Variants in FAM110B observed in about 807,000 individuals in gnomAD.
The protein encoded by FAM110B is protein FAM110B.
A neutral mutation model predicts 20.4 loss-of-function variants in FAM110B; 6 were observed. The observed-to-expected ratio is 0.29, with a 90% CI of 0.16 to 0.58. The LOEUF is 0.58. Among genes scored for constraint, FAM110B ranks in the 20% least tolerant of loss-of-function variants. The pLI is 0.90. For missense variants in FAM110B, 434 were observed against 498.2 expected, an observed-to-expected ratio of 0.87 and a Z score of 1.23; for synonymous variants, 226 against 214.1, an observed-to-expected ratio of 1.06 and a Z score of -0.49.
intron 2 of FAM110B, among the ~76,000 whole-genome samples, chr8:58,061,468 C>T (rs531366979): frequency 6.6e-6 from 1 of 152,310 alleles, no homozygotes; most frequent in Non-Finnish European, 1.5e-5. Flanking sequence ...AAACTCTCCT[C>T]TTCATTAGAA....
Position 58,094,652 on chromosome 8 carries a change from A to G in FAM110B, c.-325+19029A>G, listed in dbSNP as rs188850744. Among the ~76,000 whole-genome samples, 581 of 152,326 alleles carry G rather than the reference A, an allele frequency of 3.8e-3. 1 individual carries two copies. Among genetic ancestry groups the G allele is most frequent in the African/African-American group, 0.013 (549 of 41,572 alleles). On this transcript the variant is annotated intron_variant, in intron 3 of 3. Coordinates refer to ENST00000519262, the MANE Select transcript of FAM110B (RefSeq NM_001377989.1). ...GATGTGCTGCCAGATTCGGTTTGCC[A>G]GTATTTTATTGAAGCTTTTCACATC...
chr8:58,049,965 C>G (rs1203787591), intron 2 of FAM110B, among the ~76,000 whole-genome samples: 1 of 152,110 alleles, frequency 6.6e-6, no homozygotes, highest in Non-Finnish European at 1.5e-5. Context: ...AAGATGAACA[C>G]TTTTCCTAAT....
chr8:58,139,506 G>C (rs543856908), intron 3 of FAM110B, among the ~76,000 whole-genome samples: 1 of 152,174 alleles, frequency 6.6e-6, no homozygotes, highest in South Asian at 2.1e-4. Flanking sequence ...GTCTTTTTTG[G>C]TCAGCCTTTT....
chr8:58,016,801 C>G (rs1347258055), intron 1 of FAM110B, among the ~76,000 whole-genome samples: 3 of 152,134 alleles, frequency 2.0e-5, no homozygotes, highest in Non-Finnish European at 4.4e-5. Context: ...TGGGCACAGC[C>G]TGAATGAGGG....
chr8:58,097,669 C>T (rs551784364), intron 3 of FAM110B, among the ~76,000 whole-genome samples: 2 of 152,152 alleles, frequency 1.3e-5, no homozygotes, highest in African/African-American at 2.4e-5. Flanking sequence ...GGTTTCTCTC[C>T]GTCTTCATGG....
At chr8:58,053,627 AGGC>A in intron 2 of FAM110B, among the ~76,000 whole-genome samples, 2 of 152,344 alleles carry the variant, frequency 1.3e-5, no homozygotes, top group Middle Eastern at 3.4e-3. Flanking sequence ...GAGGTCCCTA[AGGC>A]AGTCAGTATA....
At chr8:58,113,075 C>T (rs575111564) in intron 3 of FAM110B, 1 of 140,398 alleles carries the variant, frequency 7.1e-6, no homozygotes, top group South Asian at 2.2e-4. Context: ...TACAAGGGCA[C>T]CATTCCCATT....
At position 58,119,163 on chromosome 8, in the gene FAM110B, T is replaced by C. The variant is rs552684171; in HGVS notation, c.-324-26744T>C. Among the ~76,000 whole-genome samples the C allele has an allele frequency of 5.4e-4, 83 of 152,318 alleles. 1 individual carries two copies. The highest frequency in any genetic ancestry group is 1.8e-3 in the African/African-American group (76 of 41,568). On this transcript the variant is annotated intron_variant, in intron 3 of 3. Transcript: ENST00000519262. Reference sequence around the variant, plus strand: ...TGTGCATGCCCTCCCTTTTCTCCCCTCATAACTTATTTTCTCTTAATTTGA... The same window carrying C: ...TGTGCATGCCCTCCCTTTTCTCCCCCCATAACTTATTTTCTCTTAATTTGA...
chr8:58,021,510 T>C (rs926728386), intron 1 of FAM110B, among the ~76,000 whole-genome samples: 1 of 152,176 alleles, frequency 6.6e-6, no homozygotes, highest in Non-Finnish European at 1.5e-5. Flanking sequence ...CTACTACTTA[T>C]GGTTTAAATG....
intron 1 of FAM110B, among the ~76,000 whole-genome samples, chr8:58,030,041 G>A (rs1804934116): frequency 6.6e-6 from 1 of 152,128 alleles, no homozygotes; most frequent in South Asian, 2.1e-4. Context: ...CAAAATAAAA[G>A]TATTGGTTGC....
chr8:58,032,911 A>T (rs888359026), intron 2 of FAM110B, among the ~76,000 whole-genome samples: 23 of 152,178 alleles, frequency 1.5e-4, no homozygotes, highest in Admixed American at 9.2e-4. Flanking sequence ...TTAAAAAATA[A>T]TGTCTACTGT....
At chr8:58,094,755 T>C (rs1378862085) in intron 3 of FAM110B, among the ~76,000 whole-genome samples, 1 of 152,228 alleles carries the variant, frequency 6.6e-6, no homozygotes, top group African/African-American at 2.4e-5. Flanking sequence ...AGGATGATGC[T>C]GTCCTCATAA....
At position 58,090,497 on chromosome 8, in the gene FAM110B, A is replaced by G. The variant is rs79581509; in HGVS notation, c.-325+14874A>G. ...AATAACATTTTCTTGTCTCTAACTTACTTTATTGTAAGAGTAGAGTGTATC... is the reference window on the plus strand; with the variant it reads ...AATAACATTTTCTTGTCTCTAACTTGCTTTATTGTAAGAGTAGAGTGTATC... On this transcript the variant is annotated intron_variant, in intron 3 of 3. Transcript: ENST00000519262. 5.5e-3 allele frequency among the ~76,000 whole-genome samples: 838 copies of G among 152,326 alleles called. 12 individuals carry two copies. The highest frequency in any genetic ancestry group is 0.019 in the African/African-American group (800 of 41,568).
In FAM110B at chr8:58,146,943, C is replaced by G. The variant is rs145048107; in HGVS notation, c.713C>G (p.Ser238Cys). The change falls in exon 4 of 4, where the codon TCC becomes TGC. Residue 238 changes from serine (S) to cysteine (C), a missense_variant. Physicochemically the swap from Ser to Cys is moderately radical, Grantham distance 112. Coordinates refer to ENST00000519262, the MANE Select transcript of FAM110B (RefSeq NM_001377989.1). Reference sequence around the variant, plus strand: ...ATCGCAGCCATCGCCTCCATGAAGTCCCCCGAGGCCGACCCTGTGGAACCA... The same window carrying G: ...ATCGCAGCCATCGCCTCCATGAAGTGCCCCGAGGCCGACCCTGTGGAACCA... Reference protein sequence around the residue: ...PKIAAIASMKSPEADPVEPAC... With the variant: ...PKIAAIASMKCPEADPVEPAC... 6.2e-7 allele frequency: 1 copy of G among 1,614,096 alleles called. No individual in the cohort carries two copies. Among genetic ancestry groups the G allele is most frequent in the Non-Finnish European group, 8.5e-7 (1 of 1,180,052 alleles).
intron 3 of FAM110B, among the ~76,000 whole-genome samples, chr8:58,092,047 T>G (rs1389867676): frequency 6.6e-6 from 1 of 152,240 alleles, no homozygotes; most frequent in Non-Finnish European, 1.5e-5. Context: ...TAGTACTTCA[T>G]GTAAGCAGAG....
At chr8:58,074,253 G>A (rs1563359817) in intron 2 of FAM110B, among the ~76,000 whole-genome samples, 1 of 152,024 alleles carries the variant, frequency 6.6e-6, no homozygotes, top group African/African-American at 2.4e-5. Context: ...CTACCCCCCT[G>A]TAAGTAGCTA....
chr8:58,090,191 G>A (rs72660392), intron 3 of FAM110B, among the ~76,000 whole-genome samples: 56 of 152,064 alleles, frequency 3.7e-4, no homozygotes, highest in Admixed American at 3.4e-3. Flanking sequence ...ACAAAGTCTC[G>A]CTGTGTTACC....
intron 1 of FAM110B, among the ~76,000 whole-genome samples, chr8:58,023,278 T>C (rs1300615810): frequency 3.3e-5 from 5 of 152,202 alleles, no homozygotes; most frequent in Non-Finnish European, 7.3e-5. Context: ...GAGAAGTGCT[T>C]TCTACTTTAG....
chr8:58,075,815 A>G (rs1346811151), intron 3 of FAM110B, among the ~76,000 whole-genome samples, 192 bp downstream of exon 3: 1 of 152,210 alleles, frequency 6.6e-6, no homozygotes, highest in Non-Finnish European at 1.5e-5. Flanking sequence ...CCTTGCCAGG[A>G]CCAAAGTATC....
Sources: gnomAD v4.1 joint callset for allele counts (sites outside exome capture counted in the v4.1 genomes callset) on GRCh38, gnomAD v4.1.1 for gene constraint, MANE v1.5 for transcripts, NCBI Gene and HGNC (gene_info 2026-07-23, HGNC 2026-07-21) for gene names.